Variants in ZNF469 observed in about 807,000 individuals in gnomAD.
The protein encoded by ZNF469 is zinc finger protein 469.
A neutral mutation model predicts 1.0 loss-of-function variants in ZNF469; 1 was observed. The ratio of observed to expected loss-of-function variants is 1.00; its 90% CI spans 0.35 to 4.73. The LOEUF is 4.73. Ranked by LOEUF, ZNF469 falls within the 30% of genes most tolerant of loss-of-function variation. The pLI is 0.16. For synonymous variants in ZNF469, 2,703 were observed against 2,363.4 expected, an observed-to-expected ratio of 1.14 and a Z score of -4.17; for missense variants, 6,100 against 5,356.3, an observed-to-expected ratio of 1.14 and a Z score of -4.33.
chr16:88,254,804 C>G, the ZNF469 span, among the ~76,000 whole-genome samples: 1 of 151,846 alleles, frequency 6.6e-6, no homozygotes, highest in Non-Finnish European at 1.5e-5. Flanking sequence ...CTTTGCATCT[C>G]TGTATAACTT....
At chr16:88,386,407 C>T (rs1180931884) in intron 1 of ZNF469, among the ~76,000 whole-genome samples, 1 of 152,186 alleles carries the variant, frequency 6.6e-6, no homozygotes, top group African/African-American at 2.4e-5. Context: ...CGGCGACTGC[C>T]TGCCCTTCTC....
At chr16:88,374,718 ATGTGCGGTGGGCTGAGCTCGGCGCCG>A in the ZNF469 span, among the ~76,000 whole-genome samples, 4 of 151,524 alleles carry the variant, frequency 2.6e-5, no homozygotes, top group Non-Finnish European at 5.9e-5. Context: ...GCTCAGCACC[ATGTGCGGTGGGCTGAGCTCGGCGCCG>A]TGTGCTGTGG....
chr16:88,174,628 T>A, the ZNF469 span, among the ~76,000 whole-genome samples: 1 of 148,872 alleles, frequency 6.7e-6, no homozygotes, highest in Admixed American at 6.7e-5. Context: ...TCCCCTCTTC[T>A]TCCTCCTCTG....
rs1019412658 is a variant in ZNF469, at chr16:88,432,068, C to G, written c.4598C>G (p.Thr1533Arg). Reference protein sequence around the residue: ...VLSKTCPPERTVVPGAAPSLP... With the variant: ...VLSKTCPPERRVVPGAAPSLP... ...AGTAAGACGTGTCCCCCTGAACGGA[C>G]AGTGGTTCCCGGCGCCGCCCCATCT... Residue 1533 changes from threonine (T) to arginine (R), a missense_variant, in exon 3 of 3, where the codon ACA becomes AGA. By Grantham distance (71) the Thr-to-Arg change is moderately conservative. Coordinates refer to ENST00000565624, the MANE Select transcript of ZNF469 (RefSeq NM_001367624.2). 7 of 1,550,426 alleles carry G rather than the reference C, an allele frequency of 4.5e-6. No individual in the cohort carries two copies. The African/African-American group carries it at 9.6e-5, about 21-fold the overall frequency.
chr16:88,304,879 C>A, the ZNF469 span, among the ~76,000 whole-genome samples: 17 of 152,332 alleles, frequency 1.1e-4, no homozygotes, highest in African/African-American at 3.4e-4. Context: ...GGCCAGTGGA[C>A]TTGCTTCCCC....
At chr16:88,397,653 A>AAT (rs1555516247) in intron 1 of ZNF469, among the ~76,000 whole-genome samples, 3 of 78,642 alleles carry the variant, frequency 3.8e-5, no homozygotes, top group Admixed American at 2.3e-4. Context: ...GGATATAAAT[A>AAT]AGAGATAGAT....
At chr16:88,169,400 G>A in the ZNF469 span, among the ~76,000 whole-genome samples, 2 of 152,210 alleles carry the variant, frequency 1.3e-5, no homozygotes, top group African/African-American at 2.4e-5. This position sits in a 1 kb window ranked among gnomAD's most constrained non-coding sequence, Gnocchi z 6.1. Flanking sequence ...CTTCCCCTGC[G>A]CCAGCCCCTG....
chr16:88,413,545 G>A (rs1905231218), intron 1 of ZNF469, among the ~76,000 whole-genome samples: 1 of 152,276 alleles, frequency 6.6e-6, no homozygotes, highest in Non-Finnish European at 1.5e-5. Flanking sequence ...CGTCCTGCCT[G>A]CCTGTGAACC....
At chr16:88,339,968 C>T in the ZNF469 span, among the ~76,000 whole-genome samples, 7 of 151,880 alleles carry the variant, frequency 4.6e-5, no homozygotes, top group African/African-American at 1.7e-4. Context: ...AGCGAGTGGG[C>T]GGGCCTCTTT....
the ZNF469 span, among the ~76,000 whole-genome samples, chr16:88,193,989 A>C: frequency 5.7e-4 from 87 of 152,330 alleles, no homozygotes; most frequent in Non-Finnish European, 1.1e-3. Context: ...CTTTGAGGTT[A>C]AGGATTTCAA....
At chr16:88,399,042 C>T (rs918019278) in intron 1 of ZNF469, among the ~76,000 whole-genome samples, 2 of 152,198 alleles carry the variant, frequency 1.3e-5, no homozygotes, top group African/African-American at 2.4e-5. Context: ...ACAAGCAGCC[C>T]CACTGCTGAG....
chr16:88,395,953 A>T (rs1035768789), intron 1 of ZNF469, among the ~76,000 whole-genome samples: 2 of 152,196 alleles, frequency 1.3e-5, no homozygotes, highest in African/African-American at 4.8e-5. Context: ...TGAACTCTGG[A>T]GTCATCCCCA....
At chr16:88,290,206 G>A in the ZNF469 span, among the ~76,000 whole-genome samples, 4 of 152,216 alleles carry the variant, frequency 2.6e-5, no homozygotes, top group African/African-American at 4.8e-5. Flanking sequence ...CCACTGTCGC[G>A]GCATCTGCCT....
At chr16:88,159,777 C>T in the ZNF469 span, among the ~76,000 whole-genome samples, 10 of 152,326 alleles carry the variant, frequency 6.6e-5, no homozygotes, top group South Asian at 8.3e-4. Context: ...TTCACAGACA[C>T]ATGGGCAGCC....
At chr16:88,142,386 G>A in the ZNF469 span, among the ~76,000 whole-genome samples, 2 of 152,200 alleles carry the variant, frequency 1.3e-5, no homozygotes, top group African/African-American at 2.4e-5. Flanking sequence ...TGATGTTGGC[G>A]GGCCAGAATC....
At chr16:88,235,487 C>T in the ZNF469 span, among the ~76,000 whole-genome samples, 9 of 151,726 alleles carry the variant, frequency 5.9e-5, no homozygotes, top group African/African-American at 2.2e-4. Context: ...AACCTCTCCA[C>T]GCCAGACCAG....
the ZNF469 span, among the ~76,000 whole-genome samples, chr16:88,202,178 A>C: frequency 6.6e-6 from 1 of 152,140 alleles, no homozygotes; most frequent in Non-Finnish European, 1.5e-5. Flanking sequence ...GGCTGTCATC[A>C]CTATTAACCA....
chr16:88,144,383 C>G, the ZNF469 span, among the ~76,000 whole-genome samples: 2 of 152,330 alleles, frequency 1.3e-5, no homozygotes, highest in Admixed American at 6.5e-5. Flanking sequence ...TGTCTCATGT[C>G]CTTTCAGGAG....
At chr16:88,391,475 A>G (rs748642848) in intron 1 of ZNF469, among the ~76,000 whole-genome samples, 4 of 149,066 alleles carry the variant, frequency 2.7e-5, no homozygotes, top group Non-Finnish European at 4.4e-5. Flanking sequence ...ACAGACTGTA[A>G]GGGTTGGCTG....
Sources: allele counts gnomAD v4.1 joint callset (sites outside exome capture counted in the v4.1 genomes callset), GRCh38; gene constraint gnomAD v4.1.1; non-coding constraint Gnocchi (gnomAD v3.1); transcripts MANE v1.5; gene names NCBI Gene and HGNC (gene_info 2026-07-23, HGNC 2026-07-21).